The following TSPAN15 variants were observed in gnomAD, a reference collection of about 807,000 sequenced individuals.
TSPAN15 encodes the protein tetraspanin-15.
A neutral mutation model predicts 34.5 loss-of-function variants in TSPAN15; 20 were observed. The observed-to-expected ratio is 0.58, with a 90% CI of 0.41 to 0.84. The LOEUF is 0.84. TSPAN15 is among the 40% of genes least tolerant of loss of function. TSPAN15 has a pLI of 0.00. For synonymous variants in TSPAN15, 155 were observed against 153.9 expected (o/e 1.01, Z -0.05); for missense variants, 313 against 386.1 (o/e 0.81, Z 1.59).
intron 4 of TSPAN15, among the ~76,000 whole-genome samples, chr10:69,496,206 G>A (rs985090682): frequency 2.0e-5 from 3 of 151,930 alleles, no homozygotes; most frequent in Non-Finnish European, 4.4e-5. Context: ...CCAAATATGG[G>A]ACAGTGAACC....
intron 3 of TSPAN15, among the ~76,000 whole-genome samples, chr10:69,493,956 C>T (rs370834966): frequency 4.0e-4 from 61 of 152,292 alleles, no homozygotes; most frequent in African/African-American, 1.3e-3. Context: ...GAGCGAGGCT[C>T]GGGGAGGAGG....
In TSPAN15 at chr10:69,494,795, C is replaced by T. The variant is rs575698438; in HGVS notation, c.358-799C>T. 1.2e-5 allele frequency: 12 copies of T among 985,446 alleles called. No homozygotes were observed. In the South Asian group the frequency reaches 4.2e-4, roughly 35 times the overall value. 61.0% of individuals were successfully genotyped at this position (985,446 alleles called of 1,614,324 possible). A position where few individuals can be genotyped will look rare whatever the true frequency, so the allele number is the denominator to read the frequency against. ...CCAGTCTCTGCTGATACTCGACCTC[C>T]GTGCTCTGAAAGCTGCGATTGTTAC... is the stretch of plus-strand genomic sequence containing the variant. On this transcript the variant is annotated intron_variant, in intron 3 of 7. Transcript: ENST00000373290.
At chr10:69,539,434 A>AG in the TSPAN15 span, among the ~76,000 whole-genome samples, 1 of 135,362 alleles carries the variant, frequency 7.4e-6, no homozygotes, top group East Asian at 2.1e-4. Context: ...AGAAAGAAGA[A>AG]GAAGAAGGAA....
intron 5 of TSPAN15, among the ~76,000 whole-genome samples, chr10:69,503,849 C>T (rs16926411): frequency 0.19 from 29,374 of 152,122 alleles, 3,060 homozygotes; most frequent in Middle Eastern, 0.28. Flanking sequence ...AGGTCTAGGG[C>T]GTGACCACAG....
At chr10:69,461,154 T>C (rs963030330) in intron 1 of TSPAN15, among the ~76,000 whole-genome samples, 1 of 152,144 alleles carries the variant, frequency 6.6e-6, no homozygotes, top group African/African-American at 2.4e-5. Context: ...TCTCTTTGCA[T>C]TCTCAGAATG....
the TSPAN15 span, among the ~76,000 whole-genome samples, chr10:69,533,645 T>C: frequency 6.6e-6 from 1 of 151,928 alleles, no homozygotes; most frequent in Non-Finnish European, 1.5e-5. Context: ...ACACCATCCA[T>C]ACCCCAATAA....
intron 1 of TSPAN15, among the ~76,000 whole-genome samples, chr10:69,458,304 A>G (rs1164595495): frequency 1.3e-5 from 2 of 152,240 alleles, no homozygotes; most frequent in Admixed American, 1.3e-4. Context: ...TGTGAAAATC[A>G]TACATGCGCA....
rs1049416468 is a variant in TSPAN15 at position 69,507,434 on chromosome 10, C to T, written c.*456C>T. The T allele has an allele frequency of 2.3e-6, 3 of 1,289,152 alleles. No homozygotes were observed. Among genetic ancestry groups the T allele is most frequent in the African/African-American group, 3.1e-5 (2 of 65,118 alleles). The allele number at this position is 1,289,152 out of a possible 1,614,324, so 79.9% of individuals were successfully genotyped here. ...GGAAGAGCTGTCCATGCAGCCACGC[C>T]CATGGCCAGGTTGGCCTCTTCTCAG... is the stretch of plus-strand genomic sequence containing the variant. On this transcript the variant is annotated 3_prime_UTR_variant, in exon 8 of 8. Transcript: ENST00000373290.
At chr10:69,539,512 A>G in the TSPAN15 span, among the ~76,000 whole-genome samples, 80 of 98,836 alleles carry the variant, frequency 8.1e-4, 1 homozygote, top group East Asian at 4.3e-3. Flanking sequence ...GAAGAAGAAG[A>G]AGAAGAAGAA....
intron 1 of TSPAN15, among the ~76,000 whole-genome samples, chr10:69,471,366 G>T (rs1268948292): frequency 6.6e-6 from 1 of 152,060 alleles, no homozygotes; most frequent in African/African-American, 2.4e-5. Flanking sequence ...CTGAACACTC[G>T]ATGTGGCAGT....
chr10:69,538,999 G>A, the TSPAN15 span, among the ~76,000 whole-genome samples: 1 of 152,134 alleles, frequency 6.6e-6, no homozygotes, highest in Non-Finnish European at 1.5e-5. Context: ...CTTCAATATT[G>A]AAGGGACTGG....
intron 1 of TSPAN15, among the ~76,000 whole-genome samples, chr10:69,462,115 G>A (rs979196149): frequency 2.7e-5 from 4 of 147,312 alleles, no homozygotes; most frequent in African/African-American, 1.0e-4. Flanking sequence ...TGAGTAGCTA[G>A]AACCACAGGC....
At chr10:69,468,507 G>A (rs1305166646) in intron 1 of TSPAN15, among the ~76,000 whole-genome samples, 2 of 151,920 alleles carry the variant, frequency 1.3e-5, no homozygotes, top group Non-Finnish European at 2.9e-5. Flanking sequence ...AGCTGCGATA[G>A]AGGAAATGGA....
At chr10:69,452,546 G>C (rs561147839) in intron 1 of TSPAN15, among the ~76,000 whole-genome samples, 115 of 152,278 alleles carry the variant, frequency 7.6e-4, no homozygotes, top group Admixed American at 2.2e-3. Flanking sequence ...GATGCTCGCG[G>C]AGATTACGTG....
At chr10:69,500,191 T>C (rs568736943) in intron 5 of TSPAN15, among the ~76,000 whole-genome samples, 1 of 152,244 alleles carries the variant, frequency 6.6e-6, no homozygotes, top group South Asian at 2.1e-4. Context: ...AGAAGCGGGA[T>C]TGGGCAATGA....
At chr10:69,539,312 G>C in the TSPAN15 span, among the ~76,000 whole-genome samples, 1 of 151,266 alleles carries the variant, frequency 6.6e-6, no homozygotes, top group Admixed American at 6.6e-5. Context: ...CACTGCTCAG[G>C]TCATGGCTAC....
chr10:69,469,553 A>G (rs752109387), intron 1 of TSPAN15, among the ~76,000 whole-genome samples: 2 of 152,100 alleles, frequency 1.3e-5, no homozygotes, highest in African/African-American at 2.4e-5. Flanking sequence ...CCCAGGCTCA[A>G]GCAAACCTCC....
intron 1 of TSPAN15, among the ~76,000 whole-genome samples, chr10:69,474,494 A>G (rs980348669): frequency 1.3e-5 from 2 of 152,070 alleles, no homozygotes; most frequent in South Asian, 2.1e-4. Flanking sequence ...TCTCCTTTCA[A>G]AGGGTCTGAG....
chr10:69,499,981 G>A (rs939098375), intron 5 of TSPAN15, among the ~76,000 whole-genome samples: 1 of 152,168 alleles, frequency 6.6e-6, no homozygotes, highest in African/African-American at 2.4e-5. Context: ...GGACTGTGGG[G>A]CACCCTTGAG....
Sources: gnomAD v4.1 joint callset for allele counts (sites outside exome capture counted in the v4.1 genomes callset) on GRCh38, gnomAD v4.1.1 for gene constraint, MANE v1.5 for transcripts, NCBI Gene and HGNC (gene_info 2026-07-23, HGNC 2026-07-21) for gene names.